Variants in SLC25A37 observed in about 807,000 individuals in gnomAD.
SLC25A37 encodes mitoferrin-1.
SLC25A37 carries 17 observed loss-of-function variants against 31.0 expected under a neutral mutation model. That is an observed-to-expected ratio of 0.55 (90% CI 0.38 to 0.82). SLC25A37 has a LOEUF of 0.82. Among genes scored for constraint, SLC25A37 ranks in the 40% least tolerant of loss-of-function variants. The probability of loss-of-function intolerance (pLI) is 0.00; values close to 1 mark genes in which losing one functional copy is unlikely to be tolerated. For synonymous variants in SLC25A37, 222 were observed against 193.0 expected (o/e 1.15, Z -1.24); for missense variants, 404 against 465.8 (o/e 0.87, Z 1.22).
chr8:23,546,597 AGTG>A (rs1563256315), intron 1 of SLC25A37, among the ~76,000 whole-genome samples: 1 of 60,754 alleles, frequency 1.6e-5, no homozygotes, highest in Non-Finnish European at 2.7e-5. Context: ...ATATATATAT[AGTG>A]TATGTGTGTG....
At position 23,571,852 on chromosome 8, in the gene SLC25A37, CT is replaced by C. The variant is rs774149997; in HGVS notation, c.1015del (p.Ter339LysfsTer10). The C allele has an allele frequency of 2.1e-5, 33 of 1,608,808 alleles. No individual in the cohort carries two copies. The highest frequency in any genetic ancestry group is 2.7e-5 in the Non-Finnish European group (32 of 1,175,852). ...KRQLENRAPY[*>X] is the part of the protein sequence containing the mutation. ...GCCAGCTGGAAAATCGAGCTCCATA[CT>C]AAAGGAAGGGATCATAGAATCTTTT... On this transcript the variant is annotated frameshift_variant and stop_lost, in exon 4 of 4. Coordinates refer to ENST00000519973, the MANE Select transcript of SLC25A37 (RefSeq NM_016612.4). LOFTEE classifies it high-confidence loss of function.
At position 23,571,215 on chromosome 8, in the gene SLC25A37, C is replaced by T. The variant is rs956803096; in HGVS notation, c.497-120C>T. 19 of 1,222,682 alleles carry T rather than the reference C, an allele frequency of 1.6e-5. No individual in the cohort carries two copies. In the East Asian group the frequency reaches 3.8e-4, roughly 25 times the overall value. 75.7% of individuals were successfully genotyped at this position (1,222,682 alleles called of 1,614,324 possible). A position where few individuals can be genotyped will look rare whatever the true frequency, so the allele number is the denominator to read the frequency against. ...GTGTGTGCTGGCTCTCGCCTGTTTCCGGTGTCTAACTGGCTTGTTTCTCTT... is the reference window on the plus strand; with the variant it reads ...GTGTGTGCTGGCTCTCGCCTGTTTCTGGTGTCTAACTGGCTTGTTTCTCTT... On this transcript the variant is annotated intron_variant, in intron 3 of 3. Coordinates refer to ENST00000519973, the MANE Select transcript of SLC25A37 (RefSeq NM_016612.4).
intron 1 of SLC25A37, among the ~76,000 whole-genome samples, chr8:23,546,556 G>GTA (rs56169952): frequency 1.4e-3 from 59 of 42,580 alleles, no homozygotes; most frequent in South Asian, 4.5e-3. Context: ...TATATATAGT[G>GTA]TATATATATA....
At position 23,573,513 on chromosome 8, in the gene SLC25A37, C is replaced by T. The variant is rs538181584; in HGVS notation, c.*1658C>T. 94 of 235,054 alleles carry T rather than the reference C, an allele frequency of 4.0e-4. 2 individuals are homozygous for T. The South Asian group carries it at 4.3e-3, about 11-fold the overall frequency. The allele number at this position is 235,054 out of a possible 1,614,324, so 14.6% of individuals were successfully genotyped here. ...GGTCCTGACCTGCCGCCACCCATCA[C>T]GGTCAGCGTGGTGCATCTTACCGAG... On this transcript the variant is annotated 3_prime_UTR_variant, in exon 4 of 4. Transcript: ENST00000519973.
intron 1 of SLC25A37, among the ~76,000 whole-genome samples, chr8:23,538,731 T>C (rs1801828834): frequency 6.6e-6 from 1 of 152,152 alleles, no homozygotes; most frequent in South Asian, 2.1e-4. Context: ...TTCCTATAAT[T>C]AGACCCTGAG....
At position 23,575,290 on chromosome 8, in the gene SLC25A37, G is replaced by T. The variant is rs116633885; in HGVS notation, c.*3435G>T. On this transcript the variant is annotated 3_prime_UTR_variant, in exon 4 of 4. Coordinates refer to ENST00000519973, the MANE Select transcript of SLC25A37 (RefSeq NM_016612.4). Reference sequence around the variant, plus strand: ...CAATGTATGTTTCAAGGGTGAGCAAGTGTTATTTCTTAAATTTCTCAAATG... The same window carrying T: ...CAATGTATGTTTCAAGGGTGAGCAATTGTTATTTCTTAAATTTCTCAAATG... The T allele has an allele frequency of 2.0e-5, 3 of 152,260 alleles. No homozygotes were observed. The highest frequency in any genetic ancestry group is 7.2e-5 in the African/African-American group (3 of 41,562). The allele number at this position is 152,260 out of a possible 1,614,324, so 9.4% of individuals were successfully genotyped here.
At chr8:23,566,570 G>A in intron 2 of SLC25A37, 1 of 1,286,092 alleles carries the variant, frequency 7.8e-7, no homozygotes, top group Non-Finnish European at 9.8e-7. Flanking sequence ...GGAGAAATCA[G>A]TGACAGAGGT....
intron 1 of SLC25A37, chr8:23,532,040 T>C (rs1801671943): frequency 6.6e-6 from 1 of 152,206 alleles, no homozygotes; most frequent in South Asian, 2.1e-4. Flanking sequence ...ACGTGTACAA[T>C]GTACTTCTGG....
chr8:23,559,996 A>G (rs1802471663), intron 1 of SLC25A37, among the ~76,000 whole-genome samples: 1 of 152,142 alleles, frequency 6.6e-6, no homozygotes, highest in Admixed American at 6.5e-5. Context: ...TCATTTTTAC[A>G]TTTTACAGGT....
chr8:23,555,655 G>A (rs1311788240), intron 1 of SLC25A37, among the ~76,000 whole-genome samples: 1 of 152,214 alleles, frequency 6.6e-6, no homozygotes, highest in African/African-American at 2.4e-5. Context: ...AGTGACAGGT[G>A]GCAGGAATCC....
chr8:23,571,914 C>A lies in SLC25A37; in HGVS notation c.*59C>A. The A allele has an allele frequency of 6.4e-7, 1 of 1,564,720 alleles. No individual in the cohort carries two copies. ...TTCTCTGCCTGCATCCAGCCCCTTG[C>A]CCTCTCCTCACACGTAGATCATTTT... On this transcript the variant is annotated 3_prime_UTR_variant, in exon 4 of 4. Transcript: ENST00000519973.
Position 23,529,222 on chromosome 8 carries a change from G to A in SLC25A37, c.210+10G>A, listed in dbSNP as rs201691273. The A allele has an allele frequency of 1.2e-6, 2 of 1,602,836 alleles. No homozygotes were observed. Among genetic ancestry groups the A allele is most frequent in the South Asian group, 2.2e-5 (2 of 89,628 alleles). On this transcript the variant is annotated intron_variant, in intron 1 of 3. Transcript: ENST00000519973. This position sits in a 1 kb window ranked among gnomAD's most constrained non-coding sequence, Gnocchi z 4.1. Reference sequence around the variant, plus strand: ...GGTGGACTCGGTGAAGGTGAGGCGCGGGGAGACTTCGGGGACGCAACGAGC... The same window carrying A: ...GGTGGACTCGGTGAAGGTGAGGCGCAGGGAGACTTCGGGGACGCAACGAGC...
chr8:23,540,222 C>T (rs1801860208), intron 1 of SLC25A37, among the ~76,000 whole-genome samples: 1 of 152,270 alleles, frequency 6.6e-6, no homozygotes, highest in Non-Finnish European at 1.5e-5. Flanking sequence ...CCCTAGAACT[C>T]GGGCCTTTTT....
intron 1 of SLC25A37, among the ~76,000 whole-genome samples, chr8:23,557,592 G>C (rs1341254152): frequency 6.6e-6 from 1 of 152,158 alleles, no homozygotes; most frequent in African/African-American, 2.4e-5. Context: ...TTGTGGATGG[G>C]AGTTGGCTTC....
chr8:23,568,995 G>A (rs916574637), intron 3 of SLC25A37: 1 of 154,140 alleles, frequency 6.5e-6, no homozygotes, highest in African/African-American at 2.4e-5. Context: ...CCGGCATGGT[G>A]GTTTAAAACT....
intron 3 of SLC25A37, among the ~76,000 whole-genome samples, chr8:23,569,402 T>TACACACACAC (rs10608830): frequency 0.16 from 23,380 of 150,132 alleles, 1,880 homozygotes; most frequent in East Asian, 0.27. Flanking sequence ...TATGTGTGCA[T>TACACACACAC]ACACACACAC....
In SLC25A37 at chr8:23,574,179, G is replaced by A. The variant is rs139074394; in HGVS notation, c.*2324G>A. 48 of 269,688 alleles carry A rather than the reference G, an allele frequency of 1.8e-4. 1 individual carries two copies. The East Asian group carries it at 2.9e-3, about 16-fold the overall frequency. The allele number at this position is 269,688 out of a possible 1,614,324, so 16.7% of individuals were successfully genotyped here. A position where few individuals can be genotyped will look rare whatever the true frequency, so the allele number is the denominator to read the frequency against. The stretch of plus-strand genomic sequence containing the variant: ...TTAGAGGGATGCAAGAAGGAGAGGT[G>A]AAGGTGGCGTGTGGTGGCTCATGCC... On this transcript the variant is annotated 3_prime_UTR_variant, in exon 4 of 4. Transcript: ENST00000519973.
chr8:23,538,874 A>G (rs921977438), intron 1 of SLC25A37, among the ~76,000 whole-genome samples: 7 of 152,206 alleles, frequency 4.6e-5, no homozygotes, highest in Admixed American at 3.9e-4. Context: ...TTGCAGGTCT[A>G]GAGCCTACAG....
intron 1 of SLC25A37, among the ~76,000 whole-genome samples, chr8:23,542,536 C>T (rs1010565543): frequency 2.0e-5 from 3 of 151,936 alleles, no homozygotes; most frequent in Admixed American, 6.6e-5. Flanking sequence ...TGCACCGCCA[C>T]GCACGGCTAA....
Sources: allele counts gnomAD v4.1 joint callset (sites outside exome capture counted in the v4.1 genomes callset), GRCh38; gene constraint gnomAD v4.1.1; non-coding constraint Gnocchi (gnomAD v3.1); transcripts MANE v1.5; gene names NCBI Gene and HGNC (gene_info 2026-07-23, HGNC 2026-07-21).